Variants in MPPED2 observed in about 807,000 individuals in gnomAD.
MPPED2 encodes metallophosphoesterase MPPED2.
MPPED2 carries 5 observed loss-of-function variants against 33.0 expected under a neutral mutation model. That is an observed-to-expected ratio of 0.15 (90% confidence interval 0.08 to 0.32). The LOEUF (loss-of-function observed/expected upper bound fraction) is 0.32. Among genes scored for constraint, MPPED2 ranks in the 10% least tolerant of loss-of-function variants. MPPED2 has a pLI of 1.00. For missense variants in MPPED2, 275 were observed against 372.1 expected (o/e 0.74, Z 2.15); for synonymous variants, 136 against 141.9 (o/e 0.96, Z 0.29).
At chr11:30,565,175 C>G (rs1042103180) in intron 2 of MPPED2, among the ~76,000 whole-genome samples, 1 of 152,108 alleles carries the variant, frequency 6.6e-6, no homozygotes, top group Non-Finnish European at 1.5e-5. Flanking sequence ...ACAGCAGGCG[C>G]GCACCAGATA....
At chr11:30,522,166 A>G (rs1953907978) in intron 3 of MPPED2, among the ~76,000 whole-genome samples, 1 of 152,166 alleles carries the variant, frequency 6.6e-6, no homozygotes, top group South Asian at 2.1e-4. Flanking sequence ...AGCCTGGAAT[A>G]GAAAAAAAAA....
chr11:30,514,827 C>A (rs773289308), intron 3 of MPPED2, among the ~76,000 whole-genome samples: 6 of 152,154 alleles, frequency 3.9e-5, no homozygotes, highest in Admixed American at 1.3e-4. Flanking sequence ...TTAGGTCTGG[C>A]GCAATGACTC....
intron 6 of MPPED2, among the ~76,000 whole-genome samples, chr11:30,393,847 A>T (rs1417772077): frequency 6.6e-6 from 1 of 152,056 alleles, no homozygotes; most frequent in Non-Finnish European, 1.5e-5. Context: ...TGCAGTTCTG[A>T]GTTTTAACAC....
chr11:30,413,105 C>T (rs1376923484), intron 6 of MPPED2, among the ~76,000 whole-genome samples: 1 of 152,236 alleles, frequency 6.6e-6, no homozygotes, highest in Non-Finnish European at 1.5e-5. Context: ...TCCACCCACT[C>T]AGCTGGTACC....
chr11:30,537,952 G>T (rs1954900950), intron 2 of MPPED2, among the ~76,000 whole-genome samples: 1 of 151,972 alleles, frequency 6.6e-6, no homozygotes, highest in Admixed American at 6.6e-5. Flanking sequence ...CAGTCTCGGT[G>T]CTTACAATCT....
rs1000929351 is a variant in MPPED2 at position 30,437,163 on chromosome 11, A to G, written c.537-19530T>C. Among the ~76,000 whole-genome samples, 111 of 152,224 alleles carry G rather than the reference A, an allele frequency of 7.3e-4. 1 individual carries two copies. Among genetic ancestry groups the G allele is most frequent in the African/African-American group, 2.6e-3 (106 of 41,460 alleles). On this transcript the variant is annotated intron_variant, in intron 4 of 6. Transcript: ENST00000358117. ...GCCTACCTCAGCATCGCTGGGCTCA[A>G]GCATTAGGATGCAATAAAAAACTGG...
At chr11:30,415,907 T>G (rs1449479827) in intron 5 of MPPED2, among the ~76,000 whole-genome samples, 2 of 152,194 alleles carry the variant, frequency 1.3e-5, no homozygotes, top group African/African-American at 4.8e-5. Context: ...TCCCTTGAAA[T>G]AAATAGCCAA....
At chr11:30,504,988 C>T (rs868045081) in intron 3 of MPPED2, among the ~76,000 whole-genome samples, 10 of 152,234 alleles carry the variant, frequency 6.6e-5, no homozygotes, top group East Asian at 3.9e-4. Flanking sequence ...CTCCCTCCTC[C>T]GCTTCAGCCT....
chr11:30,531,688 C>T (rs761422416), intron 3 of MPPED2, among the ~76,000 whole-genome samples: 17 of 152,136 alleles, frequency 1.1e-4, no homozygotes, highest in Non-Finnish European at 2.4e-4. Flanking sequence ...GAATTCTTTA[C>T]GGGTATTTGC....
At chr11:30,494,679 A>C (rs1359807777) in intron 4 of MPPED2, among the ~76,000 whole-genome samples, 1 of 133,880 alleles carries the variant, frequency 7.5e-6, no homozygotes, top group Non-Finnish European at 1.6e-5. Flanking sequence ...CGGAGGTTGC[A>C]GTGAGCTGAG....
intron 4 of MPPED2, among the ~76,000 whole-genome samples, chr11:30,427,954 C>T (rs745535874): frequency 9.8e-5 from 15 of 152,286 alleles, no homozygotes; most frequent in Admixed American, 3.3e-4. Context: ...AATTCAACAT[C>T]TACTTCGACT....
intron 3 of MPPED2, among the ~76,000 whole-genome samples, chr11:30,525,084 C>T (rs1954093251): frequency 6.6e-6 from 1 of 152,174 alleles, no homozygotes; most frequent in Non-Finnish European, 1.5e-5. Context: ...CTCCCACTGA[C>T]AAATCTGTGC....
chr11:30,470,471 C>G (rs972832091), intron 4 of MPPED2, among the ~76,000 whole-genome samples: 1 of 152,146 alleles, frequency 6.6e-6, no homozygotes, highest in Non-Finnish European at 1.5e-5. Flanking sequence ...AAATTATCTA[C>G]TCATAGTTAT....
intron 2 of MPPED2, among the ~76,000 whole-genome samples, chr11:30,549,032 T>C (rs1298752891): frequency 6.6e-6 from 1 of 152,142 alleles, no homozygotes; most frequent in Non-Finnish European, 1.5e-5. Context: ...TAAGTGGTTA[T>C]TTTATTCTAA....
chr11:30,485,046 A>G (rs1330360317), intron 4 of MPPED2, among the ~76,000 whole-genome samples: 2 of 152,214 alleles, frequency 1.3e-5, no homozygotes, highest in African/African-American at 2.4e-5. Flanking sequence ...GGGGAAAAAA[A>G]TAATATTAAT....
chr11:30,534,555 A>G (rs1954707123), intron 3 of MPPED2, among the ~76,000 whole-genome samples: 1 of 152,188 alleles, frequency 6.6e-6, no homozygotes, highest in South Asian at 2.1e-4. Flanking sequence ...AACAGCACAA[A>G]ATATAAATGC....
chr11:30,542,342 G>A (rs895347520), intron 2 of MPPED2, among the ~76,000 whole-genome samples: 25 of 151,556 alleles, frequency 1.6e-4, no homozygotes, highest in African/African-American at 5.1e-4. Flanking sequence ...AGCCAGGTTC[G>A]GTGGCTCATG....
chr11:30,499,253 A>T (rs938540068), intron 3 of MPPED2, among the ~76,000 whole-genome samples: 4 of 152,160 alleles, frequency 2.6e-5, no homozygotes, highest in African/African-American at 9.7e-5. Flanking sequence ...GCATCTTCTT[A>T]TCTTTCTAAC....
chr11:30,586,535 G>T (rs963579835), upstream of MPPED2, among the ~76,000 whole-genome samples: 24 of 152,140 alleles, frequency 1.6e-4, no homozygotes, highest in Non-Finnish European at 2.8e-4. The surrounding 1 kb of genome is among the most constrained non-coding windows in gnomAD (Gnocchi z 4.8). Flanking sequence ...GGAGGGAGCC[G>T]AGGGCGAGGC....
Sources: gnomAD v4.1 joint callset for allele counts (sites outside exome capture counted in the v4.1 genomes callset) on GRCh38, gnomAD v4.1.1 for gene constraint, Gnocchi (gnomAD v3.1) non-coding constraint, MANE v1.5 for transcripts, NCBI Gene and HGNC (gene_info 2026-07-23, HGNC 2026-07-21) for gene names.